LRRFIP1: variants seen among roughly 807,000 people sequenced by gnomAD.
The protein encoded by LRRFIP1 is leucine-rich repeat flightless-interacting protein 1.
LRRFIP1 carries 62 observed loss-of-function variants against 104.4 expected under a neutral mutation model. The observed-to-expected ratio is 0.59, with a 90% CI of 0.48 to 0.73. The LOEUF is 0.73. Among genes scored for constraint, LRRFIP1 ranks in the 30% least tolerant of loss-of-function variants. LRRFIP1 has a pLI of 0.00. For synonymous variants in LRRFIP1, 300 were observed against 299.0 expected, an observed-to-expected ratio of 1.00 and a Z score of -0.03; for missense variants, 796 against 824.5, an observed-to-expected ratio of 0.97 and a Z score of 0.42.
intron 7 of LRRFIP1, 129 bp from the exon 8 acceptor site, chr2:237,727,747 C>T: frequency 1.5e-6 from 1 of 688,582 alleles, no homozygotes; most frequent in South Asian, 1.8e-5. Context: ...TTGTACTGTC[C>T]TGGACTGGTC....
In LRRFIP1 at chr2:237,661,815, A is replaced by G. The variant is rs565300794; in HGVS notation, c.96+34075A>G. Among the ~76,000 whole-genome samples, 102 of 152,320 alleles carry G rather than the reference A, an allele frequency of 6.7e-4. No homozygotes were observed. The highest frequency in any genetic ancestry group is 1.4e-3 in the Non-Finnish European group (92 of 68,032). ...TCAATCCGCTGTAGTTCTGTGGCCC[A>G]GCTGAGTGGCATAGGCTCTCCTGAC... On this transcript the variant is annotated intron_variant, in intron 1 of 23. Coordinates refer to ENST00000308482, the MANE Select transcript of LRRFIP1 (RefSeq NM_001137550.2). The surrounding 1 kb of genome is among the most constrained non-coding windows in gnomAD (Gnocchi z 4.4).
intron 1 of LRRFIP1, among the ~76,000 whole-genome samples, chr2:237,684,822 C>T (rs1366284623): frequency 1.3e-5 from 2 of 151,644 alleles, no homozygotes; most frequent in African/African-American, 4.8e-5. Context: ...TGCGGTGGCT[C>T]AGACCTGTAA....
At chr2:237,692,609 G>T in intron 1 of LRRFIP1, 1 of 1,364,934 alleles carries the variant, frequency 7.3e-7, no homozygotes, top group Non-Finnish European at 9.6e-7. Context: ...AATGGCAGGC[G>T]CAGGTGCCCG....
rs1482297223 is a variant in LRRFIP1, at chr2:237,717,983, CTG to C, written c.249+176_249+177del. Among the ~76,000 whole-genome samples the C allele has an allele frequency of 1.3e-5, 2 of 152,238 alleles. No individual in the cohort carries two copies. Among genetic ancestry groups the C allele is most frequent in the East Asian group, 3.9e-4 (2 of 5,194 alleles). ...TTCCGGGGATTTCTGCATCTGGTCT[CTG>C]TTTACATCCCCAAACGCAGCCTGCT... On this transcript the variant is annotated intron_variant, in intron 4 of 23. Coordinates refer to ENST00000308482, the MANE Select transcript of LRRFIP1 (RefSeq NM_001137550.2). The surrounding 1 kb of genome is among the most constrained non-coding windows in gnomAD (Gnocchi z 4.2).
At chr2:237,765,262 T>TA (rs769156778) in intron 19 of LRRFIP1, 8,093 of 124,638 alleles carry the variant, frequency 0.065, 264 homozygotes, top group Middle Eastern at 0.14. Flanking sequence ...AAACTCTGTC[T>TA]AAAAAAAAAA....
intron 1 of LRRFIP1, among the ~76,000 whole-genome samples, chr2:237,653,200 T>C (rs952772221): frequency 3.9e-5 from 6 of 152,174 alleles, no homozygotes; most frequent in African/African-American, 1.4e-4. Flanking sequence ...TTTATATCAG[T>C]GTGAGAACAG....
intron 4 of LRRFIP1, among the ~76,000 whole-genome samples, chr2:237,718,053 C>T (rs2094406691): frequency 6.6e-6 from 1 of 152,240 alleles, no homozygotes; most frequent in Non-Finnish European, 1.5e-5. Context: ...CCACTGACTG[C>T]TGATGTCTCC....
chr2:237,757,637 CTT>C, intron 17 of LRRFIP1, 89 bp downstream of exon 17: 1 of 925,116 alleles, frequency 1.1e-6, no homozygotes, highest in Non-Finnish European at 1.7e-6. Context: ...TGCAAAACCG[CTT>C]GTCTGAGTAT....
rs1293682313 is a variant in LRRFIP1, at chr2:237,703,323, C to A, written c.97-5221C>A. On this transcript the variant is annotated intron_variant, in intron 1 of 23. Transcript: ENST00000308482. The surrounding 1 kb of genome is among the most constrained non-coding windows in gnomAD (Gnocchi z 4.3). ...AGCCCAGCCCGTTCCTGTCCCCATG[C>A]TGGAAGCAGCCTGTCAACTCACTTC... 6.6e-6 allele frequency among the ~76,000 whole-genome samples: 1 copy of A among 152,202 alleles called. No homozygotes were observed. The highest frequency in any genetic ancestry group is 1.5e-5 in the Non-Finnish European group (1 of 68,034).
chr2:237,642,544 T>C (rs1000600251), intron 1 of LRRFIP1, among the ~76,000 whole-genome samples: 3 of 151,778 alleles, frequency 2.0e-5, no homozygotes, highest in Non-Finnish European at 4.4e-5. Flanking sequence ...AGGTTCCAGG[T>C]TCCAGGCTCC....
At chr2:237,656,585 A>G (rs1226568484) in intron 1 of LRRFIP1, among the ~76,000 whole-genome samples, 1 of 152,226 alleles carries the variant, frequency 6.6e-6, no homozygotes, top group Non-Finnish European at 1.5e-5. Context: ...CTGCGTGCAC[A>G]CTGAGCATTG....
rs563922327 is a variant in LRRFIP1, at chr2:237,673,423, G to A, written c.97-35121G>A. 9.2e-5 allele frequency among the ~76,000 whole-genome samples: 14 copies of A among 152,338 alleles called. No homozygotes were observed. The South Asian group carries it at 1.7e-3, about 18-fold the overall frequency. ...AGGGTCTCGCCAAGAGAGCTGAGGG[G>A]TCAGATTCACCTTCTCCCTGCACCT... On this transcript the variant is annotated intron_variant, in intron 1 of 23. Transcript: ENST00000308482.
intron 19 of LRRFIP1, chr2:237,768,595 G>A (rs1490822865): frequency 1.3e-5 from 2 of 152,164 alleles, no homozygotes; most frequent in Non-Finnish European, 2.9e-5. Flanking sequence ...ATGGGGGGGA[G>A]CGAGTAAAAC....
intron 1 of LRRFIP1, among the ~76,000 whole-genome samples, chr2:237,650,250 T>C (rs1298183826): frequency 6.6e-6 from 1 of 151,852 alleles, no homozygotes; most frequent in Non-Finnish European, 1.5e-5. Context: ...TGGAGAAGGA[T>C]GCCAGCCTGA....
chr2:237,729,732 G>A lies in LRRFIP1; in HGVS notation c.444+1797G>A, dbSNP rs148802744. ...ATGGGATGGGGGTGCTTTTGGAGTC[G>A]TAAGGAAGTGCTTGTCACTTAAACG... On this transcript the variant is annotated intron_variant, in intron 8 of 23. Transcript: ENST00000308482. The A allele has an allele frequency of 7.3e-5, 68 of 936,148 alleles. 1 individual carries two copies. In the African/African-American group the frequency reaches 9.3e-4, roughly 13 times the overall value. 58.0% of individuals were successfully genotyped at this position (936,148 alleles called of 1,614,324 possible). A position where few individuals can be genotyped will look rare whatever the true frequency, so the allele number is the denominator to read the frequency against.
intron 8 of LRRFIP1, among the ~76,000 whole-genome samples, chr2:237,728,445 A>G (rs889705335): frequency 3.6e-4 from 53 of 147,148 alleles, no homozygotes; most frequent in African/African-American, 1.2e-3. Flanking sequence ...GGTGGGAGGC[A>G]GGAAGGAGCT....
chr2:237,688,971 T>C (rs1187276410), intron 1 of LRRFIP1, among the ~76,000 whole-genome samples: 1 of 145,498 alleles, frequency 6.9e-6, no homozygotes, highest in Non-Finnish European at 1.5e-5. Flanking sequence ...CCCTGACTTC[T>C]GACCCGGCCT....
intron 9 of LRRFIP1, 149 bp downstream of exon 9, chr2:237,733,967 TGTCTG>T: frequency 2.5e-6 from 2 of 800,994 alleles, no homozygotes; most frequent in Non-Finnish European, 4.1e-6. Context: ...CAGTGGGGAA[TGTCTG>T]TCCCCTTTGG....
chr2:237,753,661 A>G (rs2058902213), intron 15 of LRRFIP1, among the ~76,000 whole-genome samples, 182 bp downstream of exon 15: 3 of 152,188 alleles, frequency 2.0e-5, no homozygotes, highest in Non-Finnish European at 4.4e-5. Context: ...GCCAGGTGGT[A>G]CATGGCTGTA....
Sources: allele counts gnomAD v4.1 joint callset (sites outside exome capture counted in the v4.1 genomes callset), GRCh38; gene constraint gnomAD v4.1.1; non-coding constraint Gnocchi (gnomAD v3.1); transcripts MANE v1.5; gene names NCBI Gene and HGNC (gene_info 2026-07-23, HGNC 2026-07-21).